Variants in CCDC192 observed in about 807,000 individuals in gnomAD.
CCDC192 encodes coiled-coil domain-containing protein 192.
chr5:127,719,840 A>T (rs1384702974), intron 2 of CCDC192, among the ~76,000 whole-genome samples: 2 of 108,070 alleles, frequency 1.9e-5, no homozygotes, highest in African/African-American at 3.3e-5. Flanking sequence ...GGGGCGGGGG[A>T]GGTGACACAT....
chr5:127,702,566 A>G (rs1417518602), upstream of CCDC192, among the ~76,000 whole-genome samples: 2 of 152,228 alleles, frequency 1.3e-5, no homozygotes, highest in African/African-American at 4.8e-5. Flanking sequence ...TACTTGCTCT[A>G]TAATGCTCTA....
rs142201123 is a variant in CCDC192 at position 127,705,355 on chromosome 5, T to C, written c.62+1848T>C. 3.0e-3 allele frequency among the ~76,000 whole-genome samples: 456 copies of C among 152,286 alleles called. 2 individuals carry two copies. The highest frequency in any genetic ancestry group is 0.01 in the African/African-American group (420 of 41,556). ...ATTATTATTTAAAAGTAGTCTCAAA[T>C]TGTACTTTCTGTGATGCATTTGTGG... On this transcript the variant is annotated intron_variant, in intron 1 of 6. Coordinates refer to ENST00000514853, the MANE Select transcript of CCDC192 (RefSeq NM_001317938.2).
intron 3 of CCDC192, among the ~76,000 whole-genome samples, chr5:127,775,819 T>C (rs1755825192): frequency 6.6e-6 from 1 of 152,166 alleles, no homozygotes; most frequent in African/African-American, 2.4e-5. Flanking sequence ...TCACAAGATC[T>C]GATGGTTTTA....
intron 6 of CCDC192, among the ~76,000 whole-genome samples, chr5:127,885,427 T>C (rs1167544483): frequency 6.6e-6 from 1 of 152,204 alleles, no homozygotes; most frequent in Non-Finnish European, 1.5e-5. Flanking sequence ...TTGGAGACTT[T>C]GGGGTTGCAA....
intron 1 of CCDC192, among the ~76,000 whole-genome samples, chr5:127,706,804 G>A (rs1750992544): frequency 6.6e-6 from 1 of 152,104 alleles, no homozygotes; most frequent in Non-Finnish European, 1.5e-5. Flanking sequence ...GTATCACAGA[G>A]AAAATAGTAT....
chr5:127,911,480 A>T (rs1189814796), intron 6 of CCDC192, among the ~76,000 whole-genome samples: 1 of 152,198 alleles, frequency 6.6e-6, no homozygotes, highest in East Asian at 1.9e-4. Context: ...GAAGTGATCA[A>T]AAGAAGCTGA....
chr5:127,877,275 A>G (rs1214821498), intron 6 of CCDC192, among the ~76,000 whole-genome samples: 2 of 152,210 alleles, frequency 1.3e-5, no homozygotes, highest in African/African-American at 4.8e-5. Flanking sequence ...CTGAGGGACT[A>G]GAACTCTAAT....
chr5:127,884,342 C>CAAAAAAAAAAAAAAAAAAAAAAAA lies in CCDC192; in HGVS notation c.535+8685_535+8708dup, dbSNP rs778430655. ...TGGGCGACAGAGCAAGACTCCGTCTCAAAAAAAAAAAAAAAAAAAAAAAAA... is the reference window on the plus strand; with the variant it reads ...TGGGCGACAGAGCAAGACTCCGTCTCAAAAAAAAAAAAAAAAAAAAAAAAAAAAAAAAAAAAAAAAAAAAAAAAA... On this transcript the variant is annotated intron_variant, in intron 6 of 6. Transcript: ENST00000514853. Among the ~76,000 whole-genome samples, 6 of 11,850 alleles carry CAAAAAAAAAAAAAAAAAAAAAAAA rather than the reference C, an allele frequency of 5.1e-4. 1 individual carries two copies. The highest frequency in any genetic ancestry group is 7.4e-4 in the Non-Finnish European group (4 of 5,440). The allele number at this position is 11,850 out of a possible 152,430, so 7.8% of individuals were successfully genotyped here. A position where few individuals can be genotyped will look rare whatever the true frequency, so the allele number is the denominator to read the frequency against.
At chr5:127,915,038 T>C (rs1753479448) in intron 6 of CCDC192, among the ~76,000 whole-genome samples, 1 of 152,180 alleles carries the variant, frequency 6.6e-6, no homozygotes. Context: ...TATTTTACAT[T>C]TTCAGTTAGT....
rs748454232 is a variant in CCDC192 at position 127,806,801 on chromosome 5, C to A, written c.411+8639C>A. Among the ~76,000 whole-genome samples, 12 of 152,262 alleles carry A rather than the reference C, an allele frequency of 7.9e-5. No individual in the cohort carries two copies. In the East Asian group the frequency reaches 2.3e-3, roughly 29 times the overall value. ...ATTACTGTAAGAATCTAATAGAAAT[C>A]ATATTTTTATTGTTCTTAAAAATTT... On this transcript the variant is annotated intron_variant, in intron 5 of 6. Transcript: ENST00000514853.
intron 5 of CCDC192, among the ~76,000 whole-genome samples, chr5:127,807,957 C>T (rs897623112): frequency 6.6e-6 from 1 of 152,006 alleles, no homozygotes; most frequent in Non-Finnish European, 1.5e-5. Context: ...ATGTTCATGA[C>T]GTACTGTGGG....
intron 3 of CCDC192, among the ~76,000 whole-genome samples, chr5:127,794,045 A>G (rs944077335): frequency 6.6e-6 from 1 of 152,112 alleles, no homozygotes; most frequent in Admixed American, 6.6e-5. Flanking sequence ...TGTCTGTGGG[A>G]TAGCTGTAGT....
chr5:127,735,517 G>T (rs1752927435), intron 2 of CCDC192, among the ~76,000 whole-genome samples: 1 of 90,826 alleles, frequency 1.1e-5, no homozygotes, highest in Admixed American at 1.2e-4. Context: ...ATTACCTTGG[G>T]CAGTATGGTC....
chr5:127,786,935 G>A, intron 3 of CCDC192: 1 of 410,264 alleles, frequency 2.4e-6, no homozygotes, highest in Non-Finnish European at 4.7e-6. Context: ...ACCTGGTCAT[G>A]CTGTGCCACA....
At chr5:127,856,756 G>A (rs943679776) in intron 5 of CCDC192, among the ~76,000 whole-genome samples, 1 of 152,188 alleles carries the variant, frequency 6.6e-6, no homozygotes, top group Non-Finnish European at 1.5e-5. Flanking sequence ...GGAGAGATAT[G>A]GGAAAACAGA....
At chr5:127,776,167 C>T (rs1430664913) in intron 3 of CCDC192, among the ~76,000 whole-genome samples, 1 of 152,228 alleles carries the variant, frequency 6.6e-6, no homozygotes, top group Non-Finnish European at 1.5e-5. Context: ...AAGTTTAGAA[C>T]TTCCTAGAGA....
At chr5:127,793,479 G>A (rs1286206919) in intron 3 of CCDC192, among the ~76,000 whole-genome samples, 2 of 152,070 alleles carry the variant, frequency 1.3e-5, no homozygotes, top group Non-Finnish European at 1.5e-5. Context: ...AACGTCACAG[G>A]CCTCATTGTG....
At chr5:127,891,517 T>A (rs918158229) in intron 6 of CCDC192, among the ~76,000 whole-genome samples, 8 of 152,160 alleles carry the variant, frequency 5.3e-5, no homozygotes, top group African/African-American at 1.9e-4. Flanking sequence ...CCATTTAAGG[T>A]CTCTCGTTCC....
intron 6 of CCDC192, among the ~76,000 whole-genome samples, chr5:127,885,790 G>A (rs1318795133): frequency 7.2e-5 from 11 of 152,016 alleles, no homozygotes; most frequent in Non-Finnish European, 8.8e-5. Context: ...TATCTAATAT[G>A]TATATTAGAT....
Sources: gnomAD v4.1 joint callset for allele counts (sites outside exome capture counted in the v4.1 genomes callset) on GRCh38, gnomAD v4.1.1 for gene constraint, MANE v1.5 for transcripts, NCBI Gene and HGNC (gene_info 2026-07-23, HGNC 2026-07-21) for gene names.